Variants in HEATR1 observed in about 807,000 individuals in gnomAD.
The protein encoded by HEATR1 is HEAT repeat-containing protein 1.
A neutral mutation model predicts 248.2 loss-of-function variants in HEATR1; 77 were observed. That is an observed-to-expected ratio of 0.31 (90% CI 0.26 to 0.37). The LOEUF (loss-of-function observed/expected upper bound fraction) is 0.37, where lower values mean the gene tolerates loss of function less well. Ranked by LOEUF, HEATR1 falls within the 10% of genes least tolerant of loss-of-function variation. The probability of loss-of-function intolerance (pLI) is 1.00; values close to 1 mark genes in which losing one functional copy is unlikely to be tolerated. For missense variants in HEATR1, 2,420 were observed against 2,504.9 expected, an observed-to-expected ratio of 0.97 and a Z score of 0.72; for synonymous variants, 897 against 923.1, an observed-to-expected ratio of 0.97 and a Z score of 0.51.
chr1:236,579,306 C>T (rs1362417897), intron 20 of HEATR1, among the ~76,000 whole-genome samples: 2 of 152,352 alleles, frequency 1.3e-5, no homozygotes, highest in South Asian at 4.1e-4. Context: ...AATTCTTCCA[C>T]ACAAGCATGC....
Position 236,595,798 on chromosome 1 carries a change from T to C in HEATR1, c.956+35A>G, listed in dbSNP as rs766825355. The C allele has an allele frequency of 2.6e-6, 4 of 1,566,012 alleles. No homozygotes were observed. In the Admixed American group the frequency reaches 6.7e-5, roughly 26 times the overall value. Reference sequence around the variant, plus strand: ...TATTCAAAATAATTTTATTCACCTCTGACTAGCACCATTTCTCAATTCAAT... The same window carrying C: ...TATTCAAAATAATTTTATTCACCTCCGACTAGCACCATTTCTCAATTCAAT... On this transcript the variant is annotated intron_variant, in intron 7 of 44. Coordinates refer to ENST00000366582, the MANE Select transcript of HEATR1 (RefSeq NM_018072.6).
At chr1:236,597,291 C>T (rs1393650701) in intron 5 of HEATR1, among the ~76,000 whole-genome samples, 5 of 144,810 alleles carry the variant, frequency 3.5e-5, no homozygotes, top group South Asian at 2.2e-4. Flanking sequence ...GAGTCTCTGT[C>T]GCCCAGGTTG....
At chr1:236,599,900 AT>A (rs1468674699) in intron 3 of HEATR1, among the ~76,000 whole-genome samples, 3 of 152,034 alleles carry the variant, frequency 2.0e-5, no homozygotes, top group Non-Finnish European at 4.4e-5. Flanking sequence ...TACAATTTTT[AT>A]TTAATTTTTT....
At chr1:236,593,929 G>A (rs2794754) in intron 9 of HEATR1, 83 bp downstream of exon 9, 584,258 of 862,676 alleles carry the variant, frequency 0.68, 201,883 homozygotes, top group Non-Finnish European at 0.72. Context: ...AAAAAGGAAT[G>A]CTGGGAAATT....
chr1:236,561,325 C>A (rs925530753), intron 32 of HEATR1, 54 bp from the exon 33 acceptor site: 13 of 1,376,410 alleles, frequency 9.4e-6, no homozygotes, highest in Non-Finnish European at 1.2e-5. Flanking sequence ...TAATAAAAGT[C>A]ATTTCAAGTC....
At position 236,549,230 on chromosome 1, in the gene HEATR1, CTTTACGTGA is replaced by C. The variant is rs146958905; in HGVS notation, c.*1663_*1671del. On this transcript the variant is annotated 3_prime_UTR_variant, in exon 45 of 45. Transcript: ENST00000366582. ...CAACTGAGATCAAAGCACTCTTCCA[CTTTACGTGA>C]TTAAAATCAAACCTGTATCAGCAAG... is the stretch of plus-strand genomic sequence containing the variant. 912 of 371,218 alleles carry C rather than the reference CTTTACGTGA, an allele frequency of 2.5e-3. 3 individuals carry two copies. The highest frequency in any genetic ancestry group is 0.016 in the African/African-American group (751 of 48,226). 23.0% of individuals were successfully genotyped at this position (371,218 alleles called of 1,614,324 possible). A position where few individuals can be genotyped will look rare whatever the true frequency, so the allele number is the denominator to read the frequency against.
In HEATR1 at chr1:236,574,851, T is replaced by G; in HGVS notation, c.3137A>C (p.Gln1046Pro). Residue 1046 changes from glutamine to proline, a missense_variant, in exon 23 of 45, where the codon CAG becomes CCG. Transcript: ENST00000366582. The part of the protein sequence containing the change: ...PMAEQLLEKI[Q>P]KEPTAVLKDE... ...TTTCAGCACAGCTGTGGGCTCCTTCTGGATCTTTTCTAGCAGTTGTTCAGC... is the reference window on the plus strand; with the variant it reads ...TTTCAGCACAGCTGTGGGCTCCTTCGGGATCTTTTCTAGCAGTTGTTCAGC... 6.2e-7 allele frequency: 1 copy of G among 1,613,932 alleles called. No homozygotes were observed. Among genetic ancestry groups the G allele is most frequent in the South Asian group, 1.1e-5 (1 of 91,074 alleles).
intron 24 of HEATR1, among the ~76,000 whole-genome samples, 166 bp from the exon 25 acceptor site, chr1:236,572,994 A>C (rs1663469887): frequency 6.6e-6 from 1 of 152,214 alleles, no homozygotes; most frequent in Non-Finnish European, 1.5e-5. Context: ...CTTGTTACAG[A>C]CTTCTTGAAA....
intron 31 of HEATR1, 90 bp downstream of exon 31, chr1:236,565,829 T>C: frequency 1.6e-6 from 2 of 1,214,692 alleles, no homozygotes; most frequent in South Asian, 1.6e-5. Context: ...TAAAAATCCT[T>C]CTGAAGATGT....
Position 236,604,411 on chromosome 1 carries a change from G to C in HEATR1, c.-33+11C>G, listed in dbSNP as rs1186766777. The C allele has an allele frequency of 4.0e-6, 1 of 252,908 alleles. No individual in the cohort carries two copies. Among genetic ancestry groups the C allele is most frequent in the East Asian group, 8.2e-5 (1 of 12,192 alleles). 15.7% of individuals were successfully genotyped at this position (252,908 alleles called of 1,614,324 possible). ...ATCCGCAGCCACATCAAGCGGCTCT[G>C]TGCCGCTTACCTGGAACTGGGAATT... On this transcript the variant is annotated intron_variant, in intron 1 of 44. Coordinates refer to ENST00000366582, the MANE Select transcript of HEATR1 (RefSeq NM_018072.6).
intron 1 of HEATR1, 104 bp from the exon 2 acceptor site, chr1:236,604,231 G>T (rs919974943): frequency 6.7e-6 from 6 of 893,536 alleles, no homozygotes; most frequent in Admixed American, 7.5e-5. Context: ...CACACAACGC[G>T]GGTGTCCTGA....
At chr1:236,578,516 T>C (rs1439640197) in intron 20 of HEATR1, among the ~76,000 whole-genome samples, 1 of 152,246 alleles carries the variant, frequency 6.6e-6, no homozygotes, top group Non-Finnish European at 1.5e-5. Flanking sequence ...TACTGATTTT[T>C]GGCTAATGCC....
At chr1:236,566,115 T>A in intron 30 of HEATR1, 70 bp from the exon 31 acceptor site, 1 of 1,465,418 alleles carries the variant, frequency 6.8e-7, no homozygotes. Flanking sequence ...CAGGATAATG[T>A]GCGTTAGGAT....
chr1:236,551,769 C>A (rs540999366), intron 44 of HEATR1: 2 of 470,592 alleles, frequency 4.2e-6, no homozygotes. Flanking sequence ...ACACTGTAAA[C>A]GGACTCTCAA....
chr1:236,566,984 A>G lies in HEATR1; in HGVS notation c.4078-108T>C, dbSNP rs1257669009. On this transcript the variant is annotated intron_variant, in intron 29 of 44. Transcript: ENST00000366582. ...AGATGGGCCCCAAGAAATTGCCAGA[A>G]GAATTTTATTTATTTTTTTAGAGAC... The G allele has an allele frequency of 8.6e-6, 6 of 701,262 alleles. No individual in the cohort carries two copies. In the Admixed American group the frequency reaches 1.6e-4, roughly 19 times the overall value. The allele number at this position is 701,262 out of a possible 1,614,324, so 43.4% of individuals were successfully genotyped here.
At chr1:236,577,766 G>A (rs1433521860) in intron 20 of HEATR1, among the ~76,000 whole-genome samples, 1 of 152,218 alleles carries the variant, frequency 6.6e-6, no homozygotes. Context: ...GGGATTATAG[G>A]TGTGAGCCAT....
At chr1:236,594,444 T>C (rs1158460921) in intron 8 of HEATR1, among the ~76,000 whole-genome samples, 1 of 152,204 alleles carries the variant, frequency 6.6e-6, no homozygotes, top group East Asian at 1.9e-4. Flanking sequence ...CAATCAACTA[T>C]CTCTGAAAAG....
intron 35 of HEATR1, 47 bp from the exon 36 acceptor site, chr1:236,558,576 T>A (rs201340193): frequency 1.9e-6 from 3 of 1,547,516 alleles, no homozygotes; most frequent in Non-Finnish European, 2.6e-6. Context: ...CTGCAAAAAA[T>A]GTTTGTCCAT....
In HEATR1 at chr1:236,555,285, C is replaced by A; in HGVS notation, c.5923+11G>T. ...GGCAAGGGTGACAGCTGAACTGAAG[C>A]GACCACCCACCTGTTTTGGAGATGT... On this transcript the variant is annotated intron_variant, in intron 41 of 44. Transcript: ENST00000366582. The A allele has an allele frequency of 6.2e-7, 1 of 1,612,882 alleles. No homozygotes were observed. Among genetic ancestry groups the A allele is most frequent in the Non-Finnish European group, 8.5e-7 (1 of 1,179,348 alleles).
Sources: gnomAD v4.1 joint callset for allele counts (sites outside exome capture counted in the v4.1 genomes callset) on GRCh38, gnomAD v4.1.1 for gene constraint, MANE v1.5 for transcripts, NCBI Gene and HGNC (gene_info 2026-07-23, HGNC 2026-07-21) for gene names.